Variants in ELOVL6 observed in about 807,000 individuals in gnomAD.
ELOVL6 encodes very long chain fatty acid elongase 6.
Under a neutral mutation model 31.7 loss-of-function variants are expected in ELOVL6, and 8 were observed. The ratio of observed to expected loss-of-function variants is 0.25; its 90% CI spans 0.15 to 0.45. ELOVL6 has a LOEUF of 0.45. ELOVL6 is among the 20% of genes least tolerant of loss of function. The probability of loss-of-function intolerance (pLI) is 1.00; values close to 1 mark genes in which losing one functional copy is unlikely to be tolerated. For synonymous variants in ELOVL6, 101 were observed against 117.7 expected, an observed-to-expected ratio of 0.86 and a Z score of 0.92; for missense variants, 126 against 326.4, an observed-to-expected ratio of 0.39 and a Z score of 4.73.
intron 2 of ELOVL6, among the ~76,000 whole-genome samples, chr4:110,088,926 G>A (rs1449678826): frequency 6.6e-6 from 1 of 152,166 alleles, no homozygotes; most frequent in South Asian, 2.1e-4. Flanking sequence ...TTCCATTACA[G>A]TTACCACCGG....
intron 1 of ELOVL6, among the ~76,000 whole-genome samples, chr4:110,141,343 A>G (rs1757949427): frequency 6.6e-6 from 1 of 152,162 alleles, no homozygotes; most frequent in Non-Finnish European, 1.5e-5. Flanking sequence ...GATTACAGGC[A>G]TAAGCCACCG....
chr4:110,081,460 T>A (rs1430559074), intron 2 of ELOVL6, among the ~76,000 whole-genome samples: 1 of 152,136 alleles, frequency 6.6e-6, no homozygotes, highest in Non-Finnish European at 1.5e-5. Flanking sequence ...CCATCTGATA[T>A]TTGACAAACC....
chr4:110,183,027 A>G (rs1158483822), intron 1 of ELOVL6, among the ~76,000 whole-genome samples: 1 of 152,160 alleles, frequency 6.6e-6, no homozygotes, highest in Non-Finnish European at 1.5e-5. Flanking sequence ...AAATCATAAA[A>G]TCTCTCCAAA....
At chr4:110,190,100 G>GA (rs535357949) in intron 1 of ELOVL6, among the ~76,000 whole-genome samples, 24 of 146,126 alleles carry the variant, frequency 1.6e-4, no homozygotes, top group East Asian at 2.0e-4. Context: ...GTTTTAGCAA[G>GA]AAAAAAAAAA....
intron 2 of ELOVL6, among the ~76,000 whole-genome samples, chr4:110,077,839 G>C (rs963513414): frequency 1.3e-5 from 2 of 151,884 alleles, no homozygotes; most frequent in African/African-American, 4.8e-5. Context: ...TAAAAACCTT[G>C]AAAAAAAATT....
chr4:110,099,155 C>T (rs1756673244), intron 2 of ELOVL6, among the ~76,000 whole-genome samples: 1 of 151,956 alleles, frequency 6.6e-6, no homozygotes, highest in African/African-American at 2.4e-5. Context: ...AGGTAATTGC[C>T]AATAATTCTT....
At chr4:110,173,670 AAATAATAATAAT>A (rs148753272) in intron 1 of ELOVL6, among the ~76,000 whole-genome samples, 37 of 140,938 alleles carry the variant, frequency 2.6e-4, no homozygotes, top group South Asian at 4.7e-4. Flanking sequence ...AGGTAAAGGA[AAATAATAATAAT>A]AATAATAATA....
At chr4:110,056,309 A>G (rs1354608465) in intron 3 of ELOVL6, among the ~76,000 whole-genome samples, 1 of 152,188 alleles carries the variant, frequency 6.6e-6, no homozygotes, top group Non-Finnish European at 1.5e-5. Flanking sequence ...AATAGTAGCG[A>G]CAAGATTTTC....
chr4:110,067,644 G>A (rs1266428022), intron 2 of ELOVL6, among the ~76,000 whole-genome samples: 1 of 152,154 alleles, frequency 6.6e-6, no homozygotes, highest in Non-Finnish European at 1.5e-5. Context: ...GCCATGAAAT[G>A]TACCAACGAT....
In ELOVL6 at chr4:110,117,903, A is replaced by AATATATATATATATATATATAT. The variant is rs1194332428; in HGVS notation, c.90-12297_90-12276dup. On this transcript the variant is annotated intron_variant, in intron 1 of 3. Coordinates refer to ENST00000302274, the MANE Select transcript of ELOVL6 (RefSeq NM_024090.3). Reference sequence around the variant, plus strand: ...TCTCAAAAAAAAAAAAAAAAAAAAAAATATATATATATATATATATATCTC... The same window carrying AATATATATATATATATATATAT: ...TCTCAAAAAAAAAAAAAAAAAAAAAAATATATATATATATATATATATATATATATATATATATATATATCTC... 23 of 6,486 alleles carry AATATATATATATATATATATAT rather than the reference A, an allele frequency of 3.5e-3. 1 individual carries two copies. Among genetic ancestry groups the AATATATATATATATATATATAT allele is most frequent in the Non-Finnish European group, 6.4e-3 (17 of 2,672 alleles). The allele number at this position is 6,486 out of a possible 1,614,324, so 0.4% of individuals were successfully genotyped here.
At chr4:110,158,657 A>ATTTTTTT (rs1184682018) in intron 1 of ELOVL6, among the ~76,000 whole-genome samples, 10 of 74,160 alleles carry the variant, frequency 1.3e-4, no homozygotes, top group African/African-American at 4.1e-4. Flanking sequence ...ATATATATAT[A>ATTTTTTT]TTTTTTTTTT....
At chr4:110,145,291 T>G (rs1228813789) in intron 1 of ELOVL6, among the ~76,000 whole-genome samples, 1 of 152,030 alleles carries the variant, frequency 6.6e-6, no homozygotes, top group Non-Finnish European at 1.5e-5. Flanking sequence ...GGTTATGCAC[T>G]GTTTCCCAGC....
intron 1 of ELOVL6, among the ~76,000 whole-genome samples, chr4:110,156,127 G>A (rs1347548878): frequency 1.3e-5 from 2 of 152,188 alleles, no homozygotes; most frequent in Non-Finnish European, 2.9e-5. Flanking sequence ...ACTGGAGGCT[G>A]CACCAGAGCC....
chr4:110,198,974 G>A (rs1759909488), upstream of ELOVL6: 1 of 152,222 alleles, frequency 6.6e-6, no homozygotes, highest in South Asian at 2.1e-4. Context: ...AGAGAACTCC[G>A]GGCAAATCTA....
chr4:110,090,572 C>T (rs575433615), intron 2 of ELOVL6, among the ~76,000 whole-genome samples: 2 of 147,006 alleles, frequency 1.4e-5, no homozygotes, highest in African/African-American at 2.6e-5. Flanking sequence ...GGTAGGCCTT[C>T]CAGGAACTTA....
At chr4:110,058,887 T>C (rs1755065806) in intron 3 of ELOVL6, among the ~76,000 whole-genome samples, 1 of 152,200 alleles carries the variant, frequency 6.6e-6, no homozygotes. Flanking sequence ...GAGCTTATTG[T>C]CACCACTAGA....
intron 1 of ELOVL6, among the ~76,000 whole-genome samples, chr4:110,123,649 AGACT>A (rs1353308134): frequency 6.6e-6 from 1 of 152,300 alleles, no homozygotes; most frequent in East Asian, 1.9e-4. Context: ...ATGTGAGCCA[AGACT>A]GGAAGGAAGT....
chr4:110,058,869 T>A (rs1755065205), intron 3 of ELOVL6, among the ~76,000 whole-genome samples: 1 of 152,184 alleles, frequency 6.6e-6, no homozygotes, highest in Non-Finnish European at 1.5e-5. Flanking sequence ...TACTCATGGA[T>A]GTACTCAGAG....
chr4:110,084,385 C>T lies in ELOVL6; in HGVS notation c.221+21112G>A, dbSNP rs1359001225. 1.7e-3 allele frequency among the ~76,000 whole-genome samples: 105 copies of T among 61,030 alleles called. 8 individuals are homozygous for T. The highest frequency in any genetic ancestry group is 4.1e-3 in the African/African-American group (91 of 21,978). 40.0% of individuals were successfully genotyped at this position (61,030 alleles called of 152,430 possible). A position where few individuals can be genotyped will look rare whatever the true frequency, so the allele number is the denominator to read the frequency against. ...CGCATATATGATATATGATATATAT[C>T]GCATATATGATATATGATATATGAC... On this transcript the variant is annotated intron_variant, in intron 2 of 3. Coordinates refer to ENST00000302274, the MANE Select transcript of ELOVL6 (RefSeq NM_024090.3).
Sources: allele counts gnomAD v4.1 joint callset (sites outside exome capture counted in the v4.1 genomes callset), GRCh38; gene constraint gnomAD v4.1.1; transcripts MANE v1.5; gene names NCBI Gene and HGNC (gene_info 2026-07-23, HGNC 2026-07-21).